Variants in ARL6IP6 observed in about 807,000 individuals in gnomAD.
The protein encoded by ARL6IP6 is ARF like GTPase 6 interacting protein 6, also known as ADP-ribosylation factor-like protein 6-interacting protein 6.
In ARL6IP6, 22 loss-of-function variants were observed where a neutral mutation model predicts 21.5. The ratio of observed to expected loss-of-function variants is 1.02; its 90% CI spans 0.73 to 1.46. The LOEUF (loss-of-function observed/expected upper bound fraction) is 1.46, where lower values mean the gene tolerates loss of function less well. Among genes scored for constraint, ARL6IP6 ranks in the 40% most tolerant of loss-of-function variants. The probability of loss-of-function intolerance (pLI) is 0.00; values close to 1 mark genes in which losing one functional copy is unlikely to be tolerated. For missense variants in ARL6IP6, 388 were observed against 299.8 expected (o/e 1.29, Z -2.17); for synonymous variants, 164 against 125.3 (o/e 1.31, Z -2.06).
chr2:152,745,008 C>T (rs766604585), intron 3 of ARL6IP6, among the ~76,000 whole-genome samples: 8 of 152,020 alleles, frequency 5.3e-5, no homozygotes, highest in Middle Eastern at 3.2e-3. Context: ...CTATGTAAAG[C>T]GTTCTGTATG....
In ARL6IP6 at chr2:152,760,552, A is replaced by G. The variant is rs534251593; in HGVS notation, c.*712A>G. On this transcript the variant is annotated 3_prime_UTR_variant, in exon 4 of 4. Coordinates refer to ENST00000326446, the MANE Select transcript of ARL6IP6 (RefSeq NM_152522.7). ...TTTTTGTCTTTAAAAAAAGCAAAAAAGCACATTGACCTAAGTTGAAAATTA... is the reference window on the plus strand; with the variant it reads ...TTTTTGTCTTTAAAAAAAGCAAAAAGGCACATTGACCTAAGTTGAAAATTA... The G allele has an allele frequency of 6.6e-6, 1 of 152,160 alleles. No homozygotes were observed. The highest frequency in any genetic ancestry group is 1.9e-4 in the East Asian group (1 of 5,184). The allele number at this position is 152,160 out of a possible 1,614,324, so 9.4% of individuals were successfully genotyped here.
intron 2 of ARL6IP6, 82 bp downstream of exon 2, chr2:152,720,668 AATACTT>A: frequency 1.6e-6 from 2 of 1,232,522 alleles, no homozygotes; most frequent in Non-Finnish European, 2.3e-6. Context: ...TCTGGGATAA[AATACTT>A]AATGTATTTC....
At chr2:152,754,337 G>T (rs1355501434) in intron 3 of ARL6IP6, among the ~76,000 whole-genome samples, 2 of 151,736 alleles carry the variant, frequency 1.3e-5, no homozygotes, top group Non-Finnish European at 1.5e-5. Flanking sequence ...GTAGTCTTTT[G>T]TGTTTACTCC....
Position 152,733,567 on chromosome 2 carries a change from C to T in ARL6IP6, c.455-1427C>T, listed in dbSNP as rs1027107085. The stretch of plus-strand genomic sequence containing the variant: ...CATGAGCCACCACGCCCGGCCCTGT[C>T]GTCTATTTGTATATCAGTACACACC... On this transcript the variant is annotated intron_variant, in intron 2 of 3. Transcript: ENST00000326446. Among the ~76,000 whole-genome samples, 5 of 151,984 alleles carry T rather than the reference C, an allele frequency of 3.3e-5. No homozygotes were observed. In the South Asian group the frequency reaches 1.0e-3, roughly 32 times the overall value.
rs1324162767 is a variant in ARL6IP6, at chr2:152,734,976, C to T, written c.455-18C>T. ...TGGTGTTAATAATGTACTTTTTCCC[C>T]TCTCTTTTCCTGTTAAGGATTCTGG... On this transcript the variant is annotated intron_variant, in intron 2 of 3. Coordinates refer to ENST00000326446, the MANE Select transcript of ARL6IP6 (RefSeq NM_152522.7). The T allele has an allele frequency of 2.5e-6, 4 of 1,605,272 alleles. No homozygotes were observed. The highest frequency in any genetic ancestry group is 1.3e-5 in the African/African-American group (1 of 74,570).
chr2:152,742,589 A>AG (rs1700866058), intron 3 of ARL6IP6, among the ~76,000 whole-genome samples: 2 of 151,690 alleles, frequency 1.3e-5, no homozygotes, highest in Non-Finnish European at 1.5e-5. Context: ...AAAAAAAAAA[A>AG]AAAAGAACTT....
At chr2:152,732,004 T>G (rs1414602069) in intron 2 of ARL6IP6, among the ~76,000 whole-genome samples, 6 of 152,106 alleles carry the variant, frequency 3.9e-5, no homozygotes, top group Admixed American at 6.6e-5. Context: ...TATTCTATTG[T>G]ATGGATGTAC....
chr2:152,743,988 A>C (rs898551349), intron 3 of ARL6IP6, among the ~76,000 whole-genome samples: 1 of 152,176 alleles, frequency 6.6e-6, no homozygotes, highest in South Asian at 2.1e-4. Context: ...GTTGACTTCT[A>C]TGCTAAGAGA....
Position 152,718,902 on chromosome 2 carries a change from C to T in ARL6IP6, c.278C>T (p.Ala93Val), listed in dbSNP as rs761153270. ...LPDKRNGIFP[A>V]AAGSRAQPRR... ...GATAAGCGCAATGGTATCTTTCCCG[C>T]GGCCGCGGGCAGCAGAGCCCAGCCT... is the stretch of plus-strand genomic sequence containing the variant. Residue 93 changes from alanine to valine, a missense_variant, in exon 1 of 4, where the codon GCG becomes GTG. Physicochemically the swap from Ala to Val is moderately conservative, Grantham distance 64. Coordinates refer to ENST00000326446, the MANE Select transcript of ARL6IP6 (RefSeq NM_152522.7). The T allele has an allele frequency of 5.0e-6, 8 of 1,613,752 alleles. No homozygotes were observed. The highest frequency in any genetic ancestry group is 6.8e-6 in the Non-Finnish European group (8 of 1,179,904).
intron 1 of ARL6IP6, chr2:152,719,924 C>T: frequency 4.2e-6 from 2 of 470,980 alleles, no homozygotes; most frequent in Non-Finnish European, 8.8e-6. Flanking sequence ...GATGGCATGG[C>T]ATCTAAAACC....
At chr2:152,722,604 A>G (rs989602176) in intron 2 of ARL6IP6, among the ~76,000 whole-genome samples, 2 of 152,160 alleles carry the variant, frequency 1.3e-5, no homozygotes, top group Non-Finnish European at 2.9e-5. Flanking sequence ...TAAGCTCTTA[A>G]TAAGATTGAG....
intron 3 of ARL6IP6, among the ~76,000 whole-genome samples, chr2:152,750,389 T>C (rs1367494584): frequency 6.6e-6 from 1 of 150,418 alleles, no homozygotes; most frequent in Non-Finnish European, 1.5e-5. Flanking sequence ...GGCATGAGAA[T>C]CGTTTGAACC....
upstream of ARL6IP6, chr2:152,717,813 T>C: frequency 8.7e-7 from 1 of 1,144,436 alleles, no homozygotes; most frequent in Non-Finnish European, 1.1e-6. Flanking sequence ...CCGCCCGAGT[T>C]ACGTACGCCC....
At chr2:152,724,697 A>C (rs746474644) in intron 2 of ARL6IP6, among the ~76,000 whole-genome samples, 10 of 152,220 alleles carry the variant, frequency 6.6e-5, no homozygotes, top group Non-Finnish European at 1.2e-4. Context: ...AATGAAGTCA[A>C]AAGTTAGCTG....
chr2:152,755,859 C>T (rs1701566113), intron 3 of ARL6IP6, among the ~76,000 whole-genome samples: 1 of 152,324 alleles, frequency 6.6e-6, no homozygotes. Context: ...GAAAACCCAC[C>T]GACCCTGTGG....
In ARL6IP6 at chr2:152,762,388, T is replaced by G. The variant is rs778657534; in HGVS notation, c.*2548T>G. Among the ~76,000 whole-genome samples the G allele has an allele frequency of 3.4e-4, 52 of 152,196 alleles. 1 individual carries two copies. Among genetic ancestry groups the G allele is most frequent in the Non-Finnish European group, 6.3e-4 (43 of 68,036 alleles). On this transcript the variant is annotated 3_prime_UTR_variant, in exon 4 of 4. Transcript: ENST00000326446. Reference sequence around the variant, plus strand: ...CAATAAATTTCTGTCTTTTGGCCTTTGCAGTTTACATTGGCTTTTGTCATT... The same window carrying G: ...CAATAAATTTCTGTCTTTTGGCCTTGGCAGTTTACATTGGCTTTTGTCATT...
intron 2 of ARL6IP6, among the ~76,000 whole-genome samples, chr2:152,729,079 T>C (rs1700178365): frequency 6.6e-6 from 1 of 150,580 alleles, no homozygotes; most frequent in African/African-American, 2.4e-5. Flanking sequence ...AAAATTAATA[T>C]ACATCACTTT....
At chr2:152,748,372 T>C (rs1427981102) in intron 3 of ARL6IP6, among the ~76,000 whole-genome samples, 1 of 152,252 alleles carries the variant, frequency 6.6e-6, no homozygotes, top group Non-Finnish European at 1.5e-5. Context: ...CGGTGTTGCT[T>C]GTTTTTTTGT....
At chr2:152,740,238 G>C (rs1463869560) in intron 3 of ARL6IP6, among the ~76,000 whole-genome samples, 11 of 152,108 alleles carry the variant, frequency 7.2e-5, no homozygotes, top group Non-Finnish European at 1.5e-4. Context: ...AATAAGCTGG[G>C]ACTGTAGGTG....
Sources: allele counts gnomAD v4.1 joint callset (sites outside exome capture counted in the v4.1 genomes callset), GRCh38; gene constraint gnomAD v4.1.1; transcripts MANE v1.5; gene names NCBI Gene and HGNC (gene_info 2026-07-23, HGNC 2026-07-21).